TBC1D30: variants seen among roughly 807,000 people sequenced by gnomAD.
TBC1D30 encodes TBC1 domain family, member 30.
Under a neutral mutation model 63.2 loss-of-function variants are expected in TBC1D30, and 31 were observed. The observed-to-expected ratio is 0.49, with a 90% CI of 0.37 to 0.66. The LOEUF is 0.66. TBC1D30 is among the 30% of genes least tolerant of loss of function. The pLI, the probability that TBC1D30 is intolerant of heterozygous loss-of-function variation, is 0.00. For missense variants in TBC1D30, 810 were observed against 953.6 expected (o/e 0.85, Z 1.98); for synonymous variants, 307 against 361.5 (o/e 0.85, Z 1.71).
intron 1 of TBC1D30, among the ~76,000 whole-genome samples, chr12:64,767,626 A>G (rs1332706797): frequency 2.0e-5 from 3 of 152,082 alleles, no homozygotes; most frequent in East Asian, 1.9e-4. Context: ...ATATGTAACT[A>G]TGTGACTATG....
chr12:64,857,404 A>G (rs2085309), intron 8 of TBC1D30, among the ~76,000 whole-genome samples: 22,924 of 152,088 alleles, frequency 0.15, 4,406 homozygotes, highest in African/African-American at 0.45. Context: ...GGCCTGGAAT[A>G]GGGGCCTCAT....
In TBC1D30 at chr12:64,870,901, CTG is replaced by C. The variant is rs1164848981; in HGVS notation, c.1498+95_1498+96del. The C allele has an allele frequency of 4.0e-6, 5 of 1,246,502 alleles. 1 individual carries two copies. The African/African-American group carries it at 4.5e-5, about 11-fold the overall frequency. The allele number at this position is 1,246,502 out of a possible 1,614,324, so 77.2% of individuals were successfully genotyped here. A position where few individuals can be genotyped will look rare whatever the true frequency, so the allele number is the denominator to read the frequency against. On this transcript the variant is annotated intron_variant, in intron 11 of 11. Coordinates refer to ENST00000539867, the MANE Select transcript of TBC1D30 (RefSeq NM_015279.2). ...CCTAGGAAGGCCTTGGAATTACTAA[CTG>C]TAGCTCAGTATCCATCAACACAGCT...
intron 7 of TBC1D30, among the ~76,000 whole-genome samples, chr12:64,839,900 G>A (rs541461927): frequency 6.6e-6 from 1 of 151,382 alleles, no homozygotes; most frequent in Non-Finnish European, 1.5e-5. Flanking sequence ...AGCTACTCGG[G>A]AGGCTGAGGC....
intron 2 of TBC1D30, among the ~76,000 whole-genome samples, chr12:64,816,452 C>T (rs1436462825): frequency 6.6e-6 from 1 of 152,228 alleles, no homozygotes; most frequent in Non-Finnish European, 1.5e-5. Context: ...AACACAGCAA[C>T]TCAAACTGTA....
intron 7 of TBC1D30, among the ~76,000 whole-genome samples, 189 bp downstream of exon 7, chr12:64,839,040 T>C (rs1144422): frequency 0.72 from 108,997 of 152,166 alleles, 40,284 homozygotes; most frequent in African/African-American, 0.91. Flanking sequence ...AGGGGGCAGA[T>C]GCCTTTAGGC....
upstream of TBC1D30, among the ~76,000 whole-genome samples, chr12:64,824,001 C>T (rs569063595): frequency 1.5e-4 from 23 of 151,362 alleles, no homozygotes; most frequent in South Asian, 4.4e-3. Context: ...TTATATCCCC[C>T]CCCCACACCC....
At chr12:64,874,130 C>A (rs1027106665) in intron 11 of TBC1D30, among the ~76,000 whole-genome samples, 17 of 152,156 alleles carry the variant, frequency 1.1e-4, no homozygotes, top group African/African-American at 3.9e-4. Context: ...ACTGTATTGC[C>A]CAGGCTGGAA....
At chr12:64,869,045 G>C (rs1208053996) in intron 10 of TBC1D30, among the ~76,000 whole-genome samples, 1 of 151,878 alleles carries the variant, frequency 6.6e-6, no homozygotes, top group Admixed American at 6.6e-5. Flanking sequence ...CTGTTTTAAA[G>C]TTTGTGGTTC....
intron 1 of TBC1D30, among the ~76,000 whole-genome samples, chr12:64,784,855 TA>T (rs1270624165): frequency 1.1e-5 from 1 of 89,620 alleles, no homozygotes; most frequent in African/African-American, 7.4e-5. Context: ...TCCTGGAACT[TA>T]AAGTAAAATA....
chr12:64,815,086 C>T (rs1048640848), intron 2 of TBC1D30, among the ~76,000 whole-genome samples: 3 of 152,176 alleles, frequency 2.0e-5, no homozygotes, highest in Non-Finnish European at 2.9e-5. Flanking sequence ...AATCCCTTTA[C>T]GTTCACTCCT....
chr12:64,800,145 C>G (rs995393878), intron 2 of TBC1D30, among the ~76,000 whole-genome samples: 1 of 152,034 alleles, frequency 6.6e-6, no homozygotes, highest in Non-Finnish European at 1.5e-5. Flanking sequence ...TAGAAATGTG[C>G]CCTGTGGACA....
At chr12:64,854,334 T>G (rs1216680832) in intron 8 of TBC1D30, among the ~76,000 whole-genome samples, 1 of 152,184 alleles carries the variant, frequency 6.6e-6, no homozygotes, top group Non-Finnish European at 1.5e-5. Flanking sequence ...TAACACTGGT[T>G]GCATAAGTAA....
intron 2 of TBC1D30, among the ~76,000 whole-genome samples, chr12:64,810,519 C>T (rs939652905): frequency 2.0e-5 from 3 of 152,246 alleles, no homozygotes; most frequent in South Asian, 2.1e-4. Context: ...GGGAGAATCA[C>T]GTGAACCTGG....
intron 5 of TBC1D30, among the ~76,000 whole-genome samples, chr12:64,834,555 C>T (rs1301199185): frequency 5.3e-5 from 8 of 151,740 alleles, no homozygotes; most frequent in Admixed American, 2.0e-4. Context: ...TACAGGTATA[C>T]ACCACCACGC....
chr12:64,830,979 T>C (rs1874807303), intron 4 of TBC1D30, among the ~76,000 whole-genome samples: 1 of 152,164 alleles, frequency 6.6e-6, no homozygotes, highest in Admixed American at 6.5e-5. Context: ...GTGTAGGCAG[T>C]TGTGGCTCGC....
chr12:64,875,696 C>T lies in TBC1D30; in HGVS notation c.2194C>T (p.Pro732Ser), dbSNP rs1879016597. ...ATARNLGLYG[P>S]TERTPTVHFP... ...TGCCAGGAACTTGGGATTATATGGCCCTACAGAAAGAACCCCAACTGTGCA... is the reference window on the plus strand; with the variant it reads ...TGCCAGGAACTTGGGATTATATGGCTCTACAGAAAGAACCCCAACTGTGCA... Residue 732 changes from proline to serine, a missense_variant, in exon 12 of 12, where the codon CCT becomes TCT. Coordinates refer to ENST00000539867, the MANE Select transcript of TBC1D30 (RefSeq NM_015279.2). 3.9e-6 allele frequency: 6 copies of T among 1,536,512 alleles called. No individual in the cohort carries two copies. Among genetic ancestry groups the T allele is most frequent in the Non-Finnish European group, 5.2e-6 (6 of 1,146,998 alleles).
intron 1 of TBC1D30, among the ~76,000 whole-genome samples, chr12:64,781,864 GTTGTT>G (rs1243265313): frequency 6.6e-6 from 1 of 151,846 alleles, no homozygotes; most frequent in Non-Finnish European, 1.5e-5. Context: ...TTTTGTTGTT[GTTGTT>G]TTGTTTTCTT....
At chr12:64,772,801 GTC>G (rs1870953434) in intron 1 of TBC1D30, among the ~76,000 whole-genome samples, 1 of 152,098 alleles carries the variant, frequency 6.6e-6, no homozygotes. Flanking sequence ...GCAAGACTCT[GTC>G]TCTAAAAAAA....
intron 5 of TBC1D30, among the ~76,000 whole-genome samples, 179 bp from the exon 6 acceptor site, chr12:64,836,311 C>T (rs1012188522): frequency 2.0e-5 from 3 of 152,176 alleles, no homozygotes; most frequent in African/African-American, 7.2e-5. Flanking sequence ...ATGCCACATG[C>T]TCCCTAGCCA....
Sources: gnomAD v4.1 joint callset for allele counts (sites outside exome capture counted in the v4.1 genomes callset) on GRCh38, gnomAD v4.1.1 for gene constraint, MANE v1.5 for transcripts, NCBI Gene and HGNC (gene_info 2026-07-23, HGNC 2026-07-21) for gene names.